KCNIP4: variants seen among roughly 807,000 people sequenced by gnomAD.
KCNIP4 encodes Kv channel-interacting protein 4.
In KCNIP4, 12 loss-of-function variants were observed where a neutral mutation model predicts 34.0. That is an observed-to-expected ratio of 0.35 (90% CI 0.23 to 0.57). KCNIP4 has a LOEUF of 0.57. Ranked by LOEUF, KCNIP4 falls within the 20% of genes least tolerant of loss-of-function variation. KCNIP4 has a pLI of 0.83. For missense variants in KCNIP4, 238 were observed against 311.7 expected (o/e 0.76, Z 1.78); for synonymous variants, 124 against 102.2 (o/e 1.21, Z -1.29).
rs78937698 is a variant in KCNIP4 at position 21,502,381 on chromosome 4, G to T, written c.61+446190C>A. ...TAATAACCAGGCACAAGATAGTTTAGATCTTGCCTAAATGAATTGAAACTG... is the reference window on the plus strand; with the variant it reads ...TAATAACCAGGCACAAGATAGTTTATATCTTGCCTAAATGAATTGAAACTG... On this transcript the variant is annotated intron_variant, in intron 1 of 8. Coordinates refer to ENST00000382152, the MANE Select transcript of KCNIP4 (RefSeq NM_025221.6). 9.6e-3 allele frequency among the ~76,000 whole-genome samples: 1,465 copies of T among 152,220 alleles called. 23 individuals are homozygous for T. The highest frequency in any genetic ancestry group is 0.032 in the African/African-American group (1,342 of 41,532).
chr4:21,888,958 C>T (rs563980447), intron 1 of KCNIP4, among the ~76,000 whole-genome samples: 1 of 152,222 alleles, frequency 6.6e-6, no homozygotes, highest in East Asian at 1.9e-4. Context: ...TGAAATGCTC[C>T]AAAATTCAAA....
At chr4:21,456,438 T>C (rs1235155092) in intron 1 of KCNIP4, among the ~76,000 whole-genome samples, 17 of 148,092 alleles carry the variant, frequency 1.1e-4, no homozygotes, top group Admixed American at 1.1e-3. Context: ...TTCACTTTGG[T>C]CCAATTTTTA....
At position 21,725,250 on chromosome 4, in the gene KCNIP4, C is replaced by T. The variant is rs556226630; in HGVS notation, c.61+223321G>A. Among the ~76,000 whole-genome samples the T allele has an allele frequency of 3.3e-5, 5 of 151,082 alleles. No homozygotes were observed. The East Asian group carries it at 9.7e-4, about 29-fold the overall frequency. On this transcript the variant is annotated intron_variant, in intron 1 of 8. Transcript: ENST00000382152. ...TCAAAACTTCCTATACAAAAAAATC[C>T]CCAGCTCCCTTTCTTTTCTTAGACT...
intron 1 of KCNIP4, among the ~76,000 whole-genome samples, chr4:21,400,436 C>T (rs1723382018): frequency 7.3e-6 from 1 of 136,144 alleles, no homozygotes; most frequent in Non-Finnish European, 1.5e-5. Context: ...AAACACACGT[C>T]CTCTTGCCAT....
chr4:21,783,362 A>G (rs4574390), intron 1 of KCNIP4, among the ~76,000 whole-genome samples: 94,719 of 151,902 alleles, frequency 0.62, 30,937 homozygotes, highest in Non-Finnish European at 0.73. Context: ...AATGAGAAAC[A>G]AAGCACCAGA....
intron 1 of KCNIP4, among the ~76,000 whole-genome samples, chr4:21,487,200 TA>T (rs1036669296): frequency 6.6e-5 from 10 of 152,204 alleles, no homozygotes; most frequent in African/African-American, 2.4e-4. Context: ...CATGTCTCCT[TA>T]AGCTCTTCTT....
intron 1 of KCNIP4, among the ~76,000 whole-genome samples, chr4:21,681,884 A>T (rs953059760): frequency 7.7e-4 from 112 of 145,022 alleles, no homozygotes; most frequent in African/African-American, 2.6e-3. Flanking sequence ...TTTTTTTTTT[A>T]TTTTTATTTA....
At chr4:21,568,940 G>A (rs1034140127) in intron 1 of KCNIP4, among the ~76,000 whole-genome samples, 1 of 151,992 alleles carries the variant, frequency 6.6e-6, no homozygotes, top group African/African-American at 2.4e-5. Context: ...TCTGGGTAAT[G>A]CTTCTTCTTC....
chr4:21,509,013 C>A (rs529367814), intron 1 of KCNIP4, among the ~76,000 whole-genome samples: 2 of 152,156 alleles, frequency 1.3e-5, no homozygotes, highest in South Asian at 4.1e-4. Flanking sequence ...ATGCCCTCCC[C>A]TCGGAGCTGA....
intron 1 of KCNIP4, among the ~76,000 whole-genome samples, chr4:21,859,296 C>T (rs1724928791): frequency 6.6e-6 from 1 of 152,090 alleles, no homozygotes; most frequent in South Asian, 2.1e-4. Flanking sequence ...CGCTGTCCTG[C>T]TATCCTTTTG....
intron 3 of KCNIP4, among the ~76,000 whole-genome samples, chr4:20,764,179 G>A (rs1755189971): frequency 6.6e-6 from 1 of 151,872 alleles, no homozygotes; most frequent in Non-Finnish European, 1.5e-5. Flanking sequence ...ATGAAAATAT[G>A]CCCTCTATAG....
chr4:21,136,302 T>G lies in KCNIP4; in HGVS notation c.62-253593A>C, dbSNP rs74478742. ...ACTTGCCTGAAGAACAAATTACCAC[T>G]GGAGGAAGCGAGTAATCTTTCTGGA... On this transcript the variant is annotated intron_variant, in intron 1 of 8. Transcript: ENST00000382152. 1.8e-3 allele frequency among the ~76,000 whole-genome samples: 272 copies of G among 152,298 alleles called. 2 individuals carry two copies. The highest frequency in any genetic ancestry group is 6.1e-3 in the African/African-American group (253 of 41,560).
At chr4:21,023,755 G>A (rs774804903) in intron 1 of KCNIP4, among the ~76,000 whole-genome samples, 2 of 152,026 alleles carry the variant, frequency 1.3e-5, no homozygotes, top group African/African-American at 2.4e-5. Context: ...GGTGGTGCAC[G>A]CCTGTAGGTC....
intron 1 of KCNIP4, among the ~76,000 whole-genome samples, chr4:21,864,209 C>T (rs954627570): frequency 3.9e-5 from 6 of 152,166 alleles, no homozygotes; most frequent in East Asian, 1.9e-4. Context: ...ATTTTTGCTG[C>T]GTCTTAGTTA....
chr4:20,915,788 GACA>G (rs1728753870), intron 1 of KCNIP4, among the ~76,000 whole-genome samples: 1 of 152,062 alleles, frequency 6.6e-6, no homozygotes, highest in African/African-American at 2.4e-5. Context: ...TGGAATATTT[GACA>G]ACATCACTCT....
chr4:21,801,652 C>T (rs1040646923), intron 1 of KCNIP4, among the ~76,000 whole-genome samples: 4 of 151,796 alleles, frequency 2.6e-5, no homozygotes, highest in South Asian at 2.1e-4. Context: ...TCTGTCACCC[C>T]GGCTGGAGTG....
intron 1 of KCNIP4, among the ~76,000 whole-genome samples, chr4:21,231,010 A>G (rs1758749657): frequency 6.6e-6 from 1 of 152,094 alleles, no homozygotes; most frequent in Non-Finnish European, 1.5e-5. Context: ...TGGGGAATAA[A>G]TTTATATGGT....
chr4:20,758,643 A>G (rs941763011), intron 4 of KCNIP4, among the ~76,000 whole-genome samples, 178 bp downstream of exon 4: 2 of 152,218 alleles, frequency 1.3e-5, no homozygotes, highest in Non-Finnish European at 1.5e-5. Context: ...GATATTTGAT[A>G]ATTTCTAAGT....
intron 1 of KCNIP4, among the ~76,000 whole-genome samples, chr4:21,390,510 T>C (rs1256157222): frequency 2.6e-5 from 4 of 152,296 alleles, no homozygotes; most frequent in Non-Finnish European, 4.4e-5. Context: ...CAGTTTCAGC[T>C]TTCTCCATAT....
Sources: gnomAD v4.1 joint callset for allele counts (sites outside exome capture counted in the v4.1 genomes callset) on GRCh38, gnomAD v4.1.1 for gene constraint, MANE v1.5 for transcripts, NCBI Gene and HGNC (gene_info 2026-07-23, HGNC 2026-07-21) for gene names.